BRINP3: variants seen among roughly 807,000 people sequenced by gnomAD.
The protein encoded by BRINP3 is BMP/retinoic acid inducible neural specific 3.
Under a neutral mutation model 71.0 loss-of-function variants are expected in BRINP3, and 19 were observed. The ratio of observed to expected loss-of-function variants is 0.27; its 90% CI spans 0.19 to 0.39. The LOEUF (loss-of-function observed/expected upper bound fraction) is 0.39, where lower values mean the gene tolerates loss of function less well. BRINP3 is among the 10% of genes least tolerant of loss of function. BRINP3 has a pLI of 1.00. For synonymous variants in BRINP3, 380 were observed against 337.7 expected (o/e 1.13, Z -1.37); for missense variants, 959 against 940.8 (o/e 1.02, Z -0.25).
At chr1:190,410,931 C>T (rs1458408186) in intron 2 of BRINP3, among the ~76,000 whole-genome samples, 1 of 151,762 alleles carries the variant, frequency 6.6e-6, no homozygotes, top group African/African-American at 2.4e-5. Flanking sequence ...ATTAAAATCC[C>T]AACAGTTTTT....
At position 190,098,667 on chromosome 1, in the gene BRINP3, A is replaced by C. The variant is rs1436016573; in HGVS notation, c.1652T>G (p.Leu551Trp). Residue 551 changes from leucine to tryptophan, a missense_variant, in exon 8 of 8, where the codon TTG becomes TGG. Transcript: ENST00000367462. The part of the protein sequence containing the change: ...KYKSSLVHMI[L>W]GLSLQICLTK... ...TAAGCAAATCTGTAAAGAGAGACCCAAAATCATATGGACCAGACTTGACTT... is the reference window on the plus strand; with the variant it reads ...TAAGCAAATCTGTAAAGAGAGACCCCAAATCATATGGACCAGACTTGACTT... 6.2e-7 allele frequency: 1 copy of C among 1,614,218 alleles called. No homozygotes were observed. Among genetic ancestry groups the C allele is most frequent in the Non-Finnish European group, 8.5e-7 (1 of 1,180,042 alleles).
At chr1:190,131,630 C>A (rs997453138) in intron 7 of BRINP3, among the ~76,000 whole-genome samples, 1 of 152,030 alleles carries the variant, frequency 6.6e-6, no homozygotes, top group African/African-American at 2.4e-5. Flanking sequence ...CCTTTCTTAG[C>A]TACATTTTAT....
intron 2 of BRINP3, among the ~76,000 whole-genome samples, chr1:190,287,704 C>G (rs975953041): frequency 2.0e-5 from 3 of 152,042 alleles, no homozygotes; most frequent in Admixed American, 6.6e-5. Context: ...ATTGCCATCT[C>G]AGTAGAACAA....
intron 2 of BRINP3, among the ~76,000 whole-genome samples, chr1:190,324,604 C>T (rs1571750026): frequency 1.3e-5 from 2 of 151,824 alleles, no homozygotes; most frequent in East Asian, 3.9e-4. Flanking sequence ...AAGTGTTCTT[C>T]CTGACTTATT....
At chr1:190,371,996 T>A (rs1476414825) in intron 2 of BRINP3, among the ~76,000 whole-genome samples, 2 of 152,142 alleles carry the variant, frequency 1.3e-5, no homozygotes, top group Admixed American at 1.3e-4. Context: ...GATGAAAACT[T>A]AGCTGCTTGA....
chr1:190,244,926 ATATCT>A (rs1343625029), intron 4 of BRINP3, among the ~76,000 whole-genome samples: 2 of 152,190 alleles, frequency 1.3e-5, no homozygotes, highest in Non-Finnish European at 2.9e-5. Flanking sequence ...TTATTTAAAC[ATATCT>A]TATTGCTTAA....
intron 2 of BRINP3, among the ~76,000 whole-genome samples, chr1:190,386,221 A>G (rs1280264860): frequency 2.0e-5 from 3 of 146,924 alleles, no homozygotes; most frequent in South Asian, 2.2e-4. Context: ...CCTAAAACTT[A>G]AAGTATAATA....
intron 2 of BRINP3, among the ~76,000 whole-genome samples, chr1:190,426,562 T>C (rs968291856): frequency 6.6e-6 from 1 of 151,822 alleles, no homozygotes; most frequent in East Asian, 1.9e-4. Flanking sequence ...ATTTTTAGAT[T>C]GTAGAGCATT....
At chr1:190,289,204 A>C (rs900930719) in intron 2 of BRINP3, among the ~76,000 whole-genome samples, 1 of 151,934 alleles carries the variant, frequency 6.6e-6, no homozygotes, top group African/African-American at 2.4e-5. Context: ...CCATCTTTTA[A>C]AGAAAATTTT....
rs540341404 is a variant in BRINP3 at position 190,134,025 on chromosome 1, G to A, written c.1184+26643C>T. On this transcript the variant is annotated intron_variant, in intron 7 of 7. Coordinates refer to ENST00000367462, the MANE Select transcript of BRINP3 (RefSeq NM_199051.3). ...GTGTTGGGGGATTTAAAATACAACA[G>A]CGAAAAAGAGAAATAGTCCCACTGG... Among the ~76,000 whole-genome samples, 4 of 152,120 alleles carry A rather than the reference G, an allele frequency of 2.6e-5. No homozygotes were observed. In the South Asian group the frequency reaches 8.3e-4, roughly 32 times the overall value.
At chr1:190,212,700 G>A (rs1211603720) in intron 6 of BRINP3, among the ~76,000 whole-genome samples, 2 of 152,058 alleles carry the variant, frequency 1.3e-5, no homozygotes, top group African/African-American at 4.8e-5. Context: ...TAAGTAATGC[G>A]AATTAGCTAG....
At chr1:190,193,383 A>G (rs16832195) in intron 6 of BRINP3, among the ~76,000 whole-genome samples, 18,624 of 152,034 alleles carry the variant, frequency 0.12, 1,682 homozygotes, top group South Asian at 0.26. Flanking sequence ...TCTGTTGTGA[A>G]AGTATACGTA....
At chr1:190,419,523 AATAG>A (rs1244542112) in intron 2 of BRINP3, among the ~76,000 whole-genome samples, 9 of 152,008 alleles carry the variant, frequency 5.9e-5, no homozygotes, top group Admixed American at 5.3e-4. Flanking sequence ...TTGTATAATG[AATAG>A]ATATTTGAAA....
At chr1:190,166,894 T>C (rs1651595691) in intron 6 of BRINP3, among the ~76,000 whole-genome samples, 2 of 152,054 alleles carry the variant, frequency 1.3e-5, no homozygotes, top group South Asian at 4.1e-4. Context: ...CGGCTAGTTT[T>C]TTATATTTTT....
chr1:190,234,331 A>C, intron 5 of BRINP3, 41 bp downstream of exon 5: 1 of 1,458,134 alleles, frequency 6.9e-7, no homozygotes, highest in Admixed American at 1.7e-5. Context: ...GATAATTGCT[A>C]TTCAGGCTTG....
chr1:190,439,572 T>C (rs1674683636), intron 2 of BRINP3, among the ~76,000 whole-genome samples: 1 of 151,676 alleles, frequency 6.6e-6, no homozygotes, highest in Non-Finnish European at 1.5e-5. Context: ...AATGAATTAA[T>C]GGTAGAAAGA....
chr1:190,226,636 TCTAAA>T (rs1172215758), intron 5 of BRINP3, among the ~76,000 whole-genome samples: 2 of 151,984 alleles, frequency 1.3e-5, no homozygotes, highest in Non-Finnish European at 2.9e-5. Flanking sequence ...AGCCTATCTT[TCTAAA>T]CCTTTGAAAA....
chr1:190,135,821 C>T (rs965446464), intron 7 of BRINP3, among the ~76,000 whole-genome samples: 4 of 151,970 alleles, frequency 2.6e-5, no homozygotes, highest in Admixed American at 1.3e-4. Flanking sequence ...CGTAAAAAGG[C>T]AGAATGCAGC....
chr1:190,143,636 T>C (rs1265337713), intron 7 of BRINP3, among the ~76,000 whole-genome samples: 1 of 152,152 alleles, frequency 6.6e-6, no homozygotes, highest in Non-Finnish European at 1.5e-5. Flanking sequence ...CAAAAACATT[T>C]AATGACTAGC....
Sources: allele counts gnomAD v4.1 joint callset (sites outside exome capture counted in the v4.1 genomes callset), GRCh38; gene constraint gnomAD v4.1.1; transcripts MANE v1.5; gene names NCBI Gene and HGNC (gene_info 2026-07-23, HGNC 2026-07-21).